PRKN: variants seen among roughly 807,000 people sequenced by gnomAD.
PRKN encodes the protein E3 ubiquitin-protein ligase parkin.
Under a neutral mutation model 59.5 loss-of-function variants are expected in PRKN, and 56 were observed. That is an observed-to-expected ratio of 0.94 (90% confidence interval 0.76 to 1.18). The LOEUF (loss-of-function observed/expected upper bound fraction) is 1.18, where lower values mean the gene tolerates loss of function less well. Among genes scored for constraint, PRKN ranks in the 50% most tolerant of loss-of-function variants. The probability of loss-of-function intolerance (pLI) is 0.00; values close to 1 mark genes in which losing one functional copy is unlikely to be tolerated. For synonymous variants in PRKN, 250 were observed against 222.1 expected (o/e 1.13, Z -1.12); for missense variants, 657 against 596.4 (o/e 1.10, Z -1.06).
intron 1 of PRKN, among the ~76,000 whole-genome samples, chr6:162,557,473 AAGG>A (rs1170461484): frequency 6.6e-6 from 1 of 152,060 alleles, no homozygotes; most frequent in African/African-American, 2.4e-5. Flanking sequence ...TTGACCATAA[AAGG>A]CACTGAATGA....
chr6:161,899,796 T>C (rs145042418), intron 6 of PRKN, among the ~76,000 whole-genome samples: 3 of 152,272 alleles, frequency 2.0e-5, no homozygotes, highest in Admixed American at 6.5e-5. Context: ...TATTGTGGGA[T>C]TGAGTACAGC....
intron 3 of PRKN, among the ~76,000 whole-genome samples, chr6:162,203,562 C>A (rs909486706): frequency 3.3e-5 from 5 of 152,282 alleles, no homozygotes; most frequent in African/African-American, 1.2e-4. Context: ...GTGACCTGGA[C>A]AGGCATGAAA....
intron 1 of PRKN, among the ~76,000 whole-genome samples, chr6:162,590,518 T>A (rs1034314130): frequency 6.6e-6 from 1 of 152,144 alleles, no homozygotes. Context: ...TTTCAAAGCA[T>A]CCATTGATCT....
At chr6:162,720,216 C>T (rs190544065) in intron 1 of PRKN, among the ~76,000 whole-genome samples, 157 of 152,182 alleles carry the variant, frequency 1.0e-3, no homozygotes, top group African/African-American at 3.7e-3. Flanking sequence ...ATATTAACTC[C>T]CTAATCACCA....
At chr6:162,382,727 A>G (rs958720852) in intron 2 of PRKN, among the ~76,000 whole-genome samples, 4 of 152,176 alleles carry the variant, frequency 2.6e-5, no homozygotes, top group African/African-American at 9.7e-5. Context: ...TCTTTCTTTC[A>G]TGAAAGATTT....
At chr6:161,985,040 C>A (rs540783992) in intron 5 of PRKN, among the ~76,000 whole-genome samples, 26 of 152,270 alleles carry the variant, frequency 1.7e-4, no homozygotes, top group African/African-American at 6.0e-4. Context: ...TGGTGTGGTA[C>A]CAGCTTCCCC....
chr6:161,993,075 A>G (rs993395520), intron 5 of PRKN, among the ~76,000 whole-genome samples: 1 of 152,122 alleles, frequency 6.6e-6, no homozygotes, highest in Non-Finnish European at 1.5e-5. Flanking sequence ...AAGGAAACCC[A>G]AAGTTAGTAG....
chr6:162,104,188 C>G (rs1364229930), intron 4 of PRKN, among the ~76,000 whole-genome samples: 2 of 152,152 alleles, frequency 1.3e-5, no homozygotes, highest in African/African-American at 2.4e-5. Flanking sequence ...ATGGCAGCAC[C>G]TACTTCAAGG....
chr6:161,911,345 G>A (rs571329847), intron 6 of PRKN, among the ~76,000 whole-genome samples: 96 of 152,250 alleles, frequency 6.3e-4, no homozygotes, highest in Admixed American at 2.0e-3. Flanking sequence ...ATATAATACA[G>A]ATGAATTTAG....
At chr6:162,440,041 G>C (rs562282654) in intron 2 of PRKN, among the ~76,000 whole-genome samples, 1 of 152,208 alleles carries the variant, frequency 6.6e-6, no homozygotes, top group South Asian at 2.1e-4. Flanking sequence ...GTTGCTGGGA[G>C]GAAGAGGGAA....
intron 9 of PRKN, among the ~76,000 whole-genome samples, chr6:161,513,991 G>T (rs921420409): frequency 6.6e-6 from 1 of 151,920 alleles, no homozygotes; most frequent in African/African-American, 2.4e-5. Flanking sequence ...AAAAGTTGGT[G>T]GTTGTGTAAC....
intron 7 of PRKN, among the ~76,000 whole-genome samples, chr6:161,686,477 CACTT>C (rs1785560014): frequency 1.3e-5 from 2 of 152,300 alleles, no homozygotes; most frequent in South Asian, 4.2e-4. Context: ...ACTTTGTTGA[CACTT>C]AGTAAATATT....
chr6:161,683,665 A>G (rs77212465), intron 7 of PRKN, among the ~76,000 whole-genome samples: 6,815 of 152,248 alleles, frequency 0.045, 229 homozygotes, highest in Middle Eastern at 0.082. Context: ...ACTGGAGTGA[A>G]TCTGTCCTTG....
At chr6:161,786,484 T>C (rs181532788) in intron 6 of PRKN, among the ~76,000 whole-genome samples, 2 of 152,238 alleles carry the variant, frequency 1.3e-5, no homozygotes, top group Admixed American at 6.5e-5. Context: ...TATATAGTGA[T>C]TTACTAGTAA....
chr6:162,324,598 G>A (rs185803737), intron 2 of PRKN, among the ~76,000 whole-genome samples: 118 of 152,122 alleles, frequency 7.8e-4, no homozygotes, highest in Non-Finnish European at 1.4e-3. Flanking sequence ...GTCCACAGGT[G>A]CGCAGGGGGT....
intron 9 of PRKN, among the ~76,000 whole-genome samples, chr6:161,511,015 T>A (rs1778367316): frequency 6.6e-6 from 1 of 152,234 alleles, no homozygotes; most frequent in Non-Finnish European, 1.5e-5. Context: ...GCCACTGATC[T>A]TTTGTTTGCT....
intron 7 of PRKN, among the ~76,000 whole-genome samples, chr6:161,766,770 A>G (rs1789440674): frequency 6.6e-6 from 1 of 152,192 alleles, no homozygotes; most frequent in African/African-American, 2.4e-5. Flanking sequence ...GATTCAGTAA[A>G]TAGTAAGACT....
intron 5 of PRKN, among the ~76,000 whole-genome samples, chr6:162,029,801 A>G (rs1783571178): frequency 6.6e-6 from 1 of 152,238 alleles, no homozygotes; most frequent in Non-Finnish European, 1.5e-5. Context: ...ATAAAAACAC[A>G]TTAATTATGA....
chr6:161,415,016 C>G (rs1787772777), intron 9 of PRKN, among the ~76,000 whole-genome samples: 1 of 152,202 alleles, frequency 6.6e-6, no homozygotes, highest in African/African-American at 2.4e-5. Context: ...TCACCTGGTT[C>G]TTACCCACGA....
Sources: allele counts gnomAD v4.1 joint callset (sites outside exome capture counted in the v4.1 genomes callset), GRCh38; gene constraint gnomAD v4.1.1; transcripts MANE v1.5; gene names NCBI Gene and HGNC (gene_info 2026-07-23, HGNC 2026-07-21).